Variants in SLC7A5 observed in about 807,000 individuals in gnomAD.
SLC7A5 encodes large neutral amino acids transporter small subunit 1.
In SLC7A5, 23 loss-of-function variants were observed where a neutral mutation model predicts 50.2. The ratio of observed to expected loss-of-function variants is 0.46; its 90% CI spans 0.33 to 0.65. SLC7A5 has a LOEUF of 0.65. SLC7A5 is among the 30% of genes least tolerant of loss of function. SLC7A5 has a pLI of 0.02. For missense variants in SLC7A5, 578 were observed against 684.4 expected (o/e 0.84, Z 1.73); for synonymous variants, 393 against 330.6 (o/e 1.19, Z -2.05).
chr16:87,840,578 G>A, intron 3 of SLC7A5, 105 bp from the exon 4 acceptor site: 6 of 958,234 alleles, frequency 6.3e-6, no homozygotes, highest in South Asian at 1.3e-5. Flanking sequence ...CCCCCCGGTG[G>A]TCTGCTCGCT....
intron 7 of SLC7A5, 68 bp from the exon 8 acceptor site, chr16:87,836,715 C>T (rs2055008841): frequency 6.4e-7 from 1 of 1,563,744 alleles, no homozygotes; most frequent in African/African-American, 1.3e-5. Flanking sequence ...CCGTGGTGGC[C>T]ACCGGGGACT....
intron 1 of SLC7A5, among the ~76,000 whole-genome samples, chr16:87,855,429 C>G (rs2055303777): frequency 6.6e-6 from 1 of 152,096 alleles, no homozygotes; most frequent in South Asian, 2.1e-4. Context: ...CGCTGGCTGA[C>G]CCCCCAACTC....
chr16:87,864,089 C>T (rs2055432403), intron 1 of SLC7A5, among the ~76,000 whole-genome samples: 1 of 147,084 alleles, frequency 6.8e-6, no homozygotes, highest in Admixed American at 6.9e-5. Context: ...GTCAGGAGTT[C>T]GAGACCAGCC....
rs1302268256 is a variant in SLC7A5, at chr16:87,830,025, GGAT to G, written c.*2942_*2944del. The stretch of plus-strand genomic sequence containing the variant: ...AAAAGAACACAGAACATCAGCGGTA[GGAT>G]GATTGAGTGTTTCTTTAAAAATAAA... On this transcript the variant is annotated 3_prime_UTR_variant, in exon 10 of 10. Coordinates refer to ENST00000261622, the MANE Select transcript of SLC7A5 (RefSeq NM_003486.7). 2 of 152,212 alleles carry G rather than the reference GGAT, an allele frequency of 1.3e-5. No individual in the cohort carries two copies. Among genetic ancestry groups the G allele is most frequent in the Non-Finnish European group, 2.9e-5 (2 of 68,050 alleles). 9.4% of individuals were successfully genotyped at this position (152,212 alleles called of 1,614,324 possible).
rs906024030 is a variant in SLC7A5 at position 87,833,936 on chromosome 16, C to A, written c.1468+478G>T. Among the ~76,000 whole-genome samples, 1 of 151,734 alleles carries A rather than the reference C, an allele frequency of 6.6e-6. No homozygotes were observed. Among genetic ancestry groups the A allele is most frequent in the African/African-American group, 2.4e-5 (1 of 41,232 alleles). ...TGGTGCGATCTCGGCTCACTGCAACCTCCGTCTCCCGGGTTCAAGTGATTC... is the reference window on the plus strand; with the variant it reads ...TGGTGCGATCTCGGCTCACTGCAACATCCGTCTCCCGGGTTCAAGTGATTC... On this transcript the variant is annotated intron_variant, in intron 9 of 9. Coordinates refer to ENST00000261622, the MANE Select transcript of SLC7A5 (RefSeq NM_003486.7). The surrounding 1 kb of genome is among the most constrained non-coding windows in gnomAD (Gnocchi z 6.0).
chr16:87,836,686 C>G, intron 7 of SLC7A5, 39 bp from the exon 8 acceptor site: 2 of 1,606,760 alleles, frequency 1.2e-6, no homozygotes, highest in Non-Finnish European at 1.7e-6. Flanking sequence ...CTGGGGCCCA[C>G]GAGCAGGGCT....
Position 87,853,141 on chromosome 16 carries a change from G to C in SLC7A5, c.539-1292C>G, listed in dbSNP as rs760737023. On this transcript the variant is annotated intron_variant, in intron 1 of 9. Coordinates refer to ENST00000261622, the MANE Select transcript of SLC7A5 (RefSeq NM_003486.7). This position sits in a 1 kb window ranked among gnomAD's most constrained non-coding sequence, Gnocchi z 4.4. ...CCCCTTGGGAGTAACGCTCAGAAAG[G>C]TCTGGCCAGCCAAGGCCTTGAGGAC... Among the ~76,000 whole-genome samples the C allele has an allele frequency of 6.6e-6, 1 of 152,256 alleles. No homozygotes were observed.
At chr16:87,834,231 C>T (rs980482675) in intron 9 of SLC7A5, among the ~76,000 whole-genome samples, 183 bp downstream of exon 9, 1 of 152,212 alleles carries the variant, frequency 6.6e-6, no homozygotes, top group Non-Finnish European at 1.5e-5. Flanking sequence ...GCTGGTGCTG[C>T]GCTGTGTGTC....
At chr16:87,864,245 T>C (rs2055434710) in intron 1 of SLC7A5, among the ~76,000 whole-genome samples, 1 of 151,484 alleles carries the variant, frequency 6.6e-6, no homozygotes, top group Admixed American at 6.6e-5. Context: ...TGAGCCGAGA[T>C]CGTGCCATTG....
At position 87,860,900 on chromosome 16, in the gene SLC7A5, G is replaced by A. The variant is rs757716795; in HGVS notation, c.538+7985C>T. Among the ~76,000 whole-genome samples, 1 of 152,206 alleles carries A rather than the reference G, an allele frequency of 6.6e-6. No individual in the cohort carries two copies. Among genetic ancestry groups the A allele is most frequent in the African/African-American group, 2.4e-5 (1 of 41,452 alleles). On this transcript the variant is annotated intron_variant, in intron 1 of 9. Coordinates refer to ENST00000261622, the MANE Select transcript of SLC7A5 (RefSeq NM_003486.7). This position sits in a 1 kb window ranked among gnomAD's most constrained non-coding sequence, Gnocchi z 4.8. ...GGTGGTCTGACGGCCAGGGATGCAG[G>A]GAGAGACGCCTCCCACACTCCCGGA...
At chr16:87,843,545 C>T (rs926424209) in intron 2 of SLC7A5, among the ~76,000 whole-genome samples, 2 of 151,780 alleles carry the variant, frequency 1.3e-5, no homozygotes, top group African/African-American at 4.8e-5. Context: ...AGGGAGGTCA[C>T]CACACTCATC....
At position 87,840,544 on chromosome 16, in the gene SLC7A5, A is replaced by C. The variant is rs1198473145; in HGVS notation, c.771-71T>G. The C allele has an allele frequency of 6.8e-6, 9 of 1,328,730 alleles. No homozygotes were observed. The East Asian group carries it at 2.1e-4, about 31-fold the overall frequency. The allele number at this position is 1,328,730 out of a possible 1,614,324, so 82.3% of individuals were successfully genotyped here. ...GAAAATAAATCACCGGGGAGAGAGC[A>C]TCCCAGGGCAGCTGGTGAGCCTGCC... On this transcript the variant is annotated intron_variant, in intron 3 of 9. Coordinates refer to ENST00000261622, the MANE Select transcript of SLC7A5 (RefSeq NM_003486.7).
intron 8 of SLC7A5, among the ~76,000 whole-genome samples, chr16:87,835,415 G>A (rs1047625962): frequency 7.2e-5 from 11 of 152,258 alleles, no homozygotes; most frequent in African/African-American, 2.2e-4. Flanking sequence ...CATGTAGGGC[G>A]GCTCCTCCCT....
chr16:87,843,596 G>A (rs1468964988), intron 2 of SLC7A5, among the ~76,000 whole-genome samples: 1 of 151,930 alleles, frequency 6.6e-6, no homozygotes, highest in African/African-American at 2.4e-5. Context: ...ACACACCAGA[G>A]GTGGGAGTTA....
chr16:87,855,235 G>A (rs970042716), intron 1 of SLC7A5, among the ~76,000 whole-genome samples: 2 of 152,150 alleles, frequency 1.3e-5, no homozygotes, highest in South Asian at 4.1e-4. Flanking sequence ...GTCCCGGGGA[G>A]GTTGCCACCA....
chr16:87,858,342 C>T (rs2055346319), intron 1 of SLC7A5, among the ~76,000 whole-genome samples: 2 of 152,160 alleles, frequency 1.3e-5, no homozygotes, highest in Admixed American at 1.3e-4. Flanking sequence ...CTTCAGGGCA[C>T]AGATGAAGCC....
chr16:87,834,589 C>T lies in SLC7A5; in HGVS notation c.1293G>A (p.Val431=). Residue 431 remains valine, a splice_region_variant and synonymous_variant, in exon 9 of 10, where the codon GTG becomes GTA. Transcript: ENST00000261622. The part of the protein sequence containing the change: ...RKPELERPIK[V]NLALPVFFIL... ...TGAAGAACACAGGCAGGGCCAGGTT[C>T]ACCTGGGGCAGAGGACAGGGCCTGG... 2 of 1,585,164 alleles carry T rather than the reference C, an allele frequency of 1.3e-6. No individual in the cohort carries two copies. Among genetic ancestry groups the T allele is most frequent in the Non-Finnish European group, 1.7e-6 (2 of 1,167,380 alleles).
At position 87,841,507 on chromosome 16, in the gene SLC7A5, G is replaced by A. The variant is rs1314720077; in HGVS notation, c.665-352C>T. On this transcript the variant is annotated intron_variant, in intron 2 of 9. Coordinates refer to ENST00000261622, the MANE Select transcript of SLC7A5 (RefSeq NM_003486.7). This position sits in a 1 kb window ranked among gnomAD's most constrained non-coding sequence, Gnocchi z 4.8. ...AAGGTTCCCTGAGACCTCACGACAT[G>A]AGTGTCAAGGCAGTATAAAGCCAGG... Among the ~76,000 whole-genome samples the A allele has an allele frequency of 6.6e-6, 1 of 152,220 alleles. No individual in the cohort carries two copies. The highest frequency in any genetic ancestry group is 2.4e-5 in the African/African-American group (1 of 41,464).
chr16:87,854,076 C>CCCG (rs1555515361), intron 1 of SLC7A5: 3 of 135,760 alleles, frequency 2.2e-5, no homozygotes, highest in Non-Finnish European at 4.9e-5. Flanking sequence ...CCCCCCGCCC[C>CCCG]CCCCCCCACC....
Sources: allele counts gnomAD v4.1 joint callset (sites outside exome capture counted in the v4.1 genomes callset), GRCh38; gene constraint gnomAD v4.1.1; non-coding constraint Gnocchi (gnomAD v3.1); transcripts MANE v1.5; gene names NCBI Gene and HGNC (gene_info 2026-07-23, HGNC 2026-07-21).